Variants in ACKR3 observed in about 807,000 individuals in gnomAD.
ACKR3 encodes the protein C-X-C chemokine receptor type 7.
In ACKR3, 6 loss-of-function variants were observed where a neutral mutation model predicts 22.4. The observed-to-expected ratio is 0.27, with a 90% confidence interval of 0.15 to 0.53. The LOEUF is 0.53. ACKR3 is among the 20% of genes least tolerant of loss of function. ACKR3 has a pLI of 0.96. For missense variants in ACKR3, 396 were observed against 475.2 expected, an observed-to-expected ratio of 0.83 and a Z score of 1.55; for synonymous variants, 209 against 205.2, an observed-to-expected ratio of 1.02 and a Z score of -0.16.
the ACKR3 span, among the ~76,000 whole-genome samples, chr2:236,553,914 T>C: frequency 0.26 from 39,581 of 152,078 alleles, 7,985 homozygotes; most frequent in African/African-American, 0.57. Context: ...TATCCTGTAG[T>C]GTTATTTAAC....
At chr2:236,580,349 C>A in intron 1 of ACKR3, 91 bp from the exon 2 acceptor site, 1 of 1,418,908 alleles carries the variant, frequency 7.0e-7, no homozygotes, top group Non-Finnish European at 9.6e-7. Flanking sequence ...CTATCAGGGC[C>A]TTGGAAAAGC....
the ACKR3 span, among the ~76,000 whole-genome samples, chr2:236,548,144 T>C: frequency 6.6e-6 from 1 of 152,350 alleles, no homozygotes; most frequent in East Asian, 1.9e-4. This position sits in a 1 kb window ranked among gnomAD's most constrained non-coding sequence, Gnocchi z 4.3. Context: ...TTAATAACTA[T>C]AGTTTTACAG....
rs1201487486 is a variant in ACKR3 at position 236,581,653 on chromosome 2, A to G, written c.*99A>G. 1 of 1,452,266 alleles carries G rather than the reference A, an allele frequency of 6.9e-7. No homozygotes were observed. The highest frequency in any genetic ancestry group is 9.3e-7 in the Non-Finnish European group (1 of 1,079,662). The allele number at this position is 1,452,266 out of a possible 1,614,324, so 90.0% of individuals were successfully genotyped here. On this transcript the variant is annotated 3_prime_UTR_variant, in exon 2 of 2. Coordinates refer to ENST00000272928, the MANE Select transcript of ACKR3 (RefSeq NM_020311.3). The surrounding 1 kb of genome is among the most constrained non-coding windows in gnomAD (Gnocchi z 4.4). ...CAAAGCAAAGTAGCTTCGGGTCTTG[A>G]TGCTTGAGTAGAGTGAAGAGGGGAG...
the ACKR3 span, among the ~76,000 whole-genome samples, chr2:236,543,947 A>G: frequency 4.5e-3 from 138 of 30,820 alleles, no homozygotes; most frequent in Middle Eastern, 0.013. Context: ...AAGGGTATAT[A>G]TATATATATA....
chr2:236,539,350 T>G, the ACKR3 span, among the ~76,000 whole-genome samples: 36 of 149,736 alleles, frequency 2.4e-4, no homozygotes, highest in African/African-American at 8.9e-4. Flanking sequence ...TCTCACTCTG[T>G]CACCCAGGCT....
chr2:236,559,796 G>C, the ACKR3 span, among the ~76,000 whole-genome samples: 1 of 152,168 alleles, frequency 6.6e-6, no homozygotes, highest in Admixed American at 6.5e-5. Context: ...TAATATGACT[G>C]TCCTTCAACC....
At chr2:236,567,660 CAG>C (rs1691213714), upstream of ACKR3, 1 of 152,392 alleles carries the variant, frequency 6.6e-6, no homozygotes, top group African/African-American at 2.4e-5. Flanking sequence ...GGAGCCTGGC[CAG>C]AGTTCCCGAC....
chr2:236,557,982 A>G, the ACKR3 span, among the ~76,000 whole-genome samples: 4 of 152,254 alleles, frequency 2.6e-5, no homozygotes, highest in African/African-American at 7.2e-5. Context: ...AAGTCAAGGG[A>G]AGACTGAGAA....
chr2:236,567,585 G>C (rs1465867215), upstream of ACKR3, among the ~76,000 whole-genome samples: 1 of 152,188 alleles, frequency 6.6e-6, no homozygotes, highest in African/African-American at 2.4e-5. Context: ...TTCTGGGACA[G>C]GGTGGGAGGC....
the ACKR3 span, among the ~76,000 whole-genome samples, chr2:236,543,302 T>C: frequency 2.6e-4 from 39 of 152,232 alleles, 1 homozygote; most frequent in Admixed American, 9.2e-4. Flanking sequence ...TCACGTTTTG[T>C]GGACCTGTGG....
chr2:236,543,530 A>T, the ACKR3 span, among the ~76,000 whole-genome samples: 1 of 152,162 alleles, frequency 6.6e-6, no homozygotes, highest in East Asian at 1.9e-4. Context: ...AGTTATTGAT[A>T]TGTCGTGAGT....
the ACKR3 span, among the ~76,000 whole-genome samples, chr2:236,547,256 GT>G: frequency 2.6e-5 from 4 of 152,044 alleles, no homozygotes; most frequent in South Asian, 8.3e-4. Context: ...TATTATTCTT[GT>G]TTTTTTCTTC....
intron 1 of ACKR3, among the ~76,000 whole-genome samples, chr2:236,578,792 C>T (rs887476578): frequency 1.1e-4 from 16 of 152,184 alleles, no homozygotes; most frequent in East Asian, 1.9e-4. Flanking sequence ...CGAGCTCCCC[C>T]GGGGGCATTT....
chr2:236,558,952 T>C, the ACKR3 span, among the ~76,000 whole-genome samples: 16 of 152,384 alleles, frequency 1.0e-4, no homozygotes, highest in African/African-American at 3.4e-4. Context: ...AGGACTTAGA[T>C]ATTTTTAAGC....
upstream of ACKR3, among the ~76,000 whole-genome samples, chr2:236,565,185 C>G (rs369323651): frequency 6.6e-6 from 1 of 151,928 alleles, no homozygotes; most frequent in African/African-American, 2.4e-5. Flanking sequence ...TGCATCCTCT[C>G]GTTTAATCCT....
chr2:236,567,232 C>A (rs1325915996), upstream of ACKR3, among the ~76,000 whole-genome samples: 2 of 152,204 alleles, frequency 1.3e-5, no homozygotes, highest in Non-Finnish European at 2.9e-5. Context: ...AACTCCCGAC[C>A]TCGCGATCCG....
Position 236,580,783 on chromosome 2 carries a change from G to A in ACKR3, c.318G>A (p.Gln106=). Residue 106 remains glutamine, a synonymous_variant, in exon 2 of 2, where the codon CAG becomes CAA. Transcript: ENST00000272928. The part of the protein sequence containing the change: ...TIPVWVVSLV[Q]HNQWPMGELT... ...CAGTCTGGGTGGTCAGTCTCGTGCA[G>A]CACAACCAGTGGCCCATGGGCGAGC... 1.2e-6 allele frequency: 2 copies of A among 1,614,198 alleles called. No homozygotes were observed. The highest frequency in any genetic ancestry group is 2.2e-5 in the East Asian group (1 of 44,876).
chr2:236,579,132 G>A (rs1309841375), intron 1 of ACKR3, among the ~76,000 whole-genome samples: 2 of 152,246 alleles, frequency 1.3e-5, no homozygotes, highest in African/African-American at 2.4e-5. Context: ...CGGAGTGGGC[G>A]GCTTCCCAGC....
chr2:236,581,666 G>T lies in ACKR3; in HGVS notation c.*112G>T. ...CTTCGGGTCTTGATGCTTGAGTAGAGTGAAGAGGGGAGCACGTGCCCCCTG... is the reference window on the plus strand; with the variant it reads ...CTTCGGGTCTTGATGCTTGAGTAGATTGAAGAGGGGAGCACGTGCCCCCTG... On this transcript the variant is annotated 3_prime_UTR_variant, in exon 2 of 2. Coordinates refer to ENST00000272928, the MANE Select transcript of ACKR3 (RefSeq NM_020311.3). This position sits in a 1 kb window ranked among gnomAD's most constrained non-coding sequence, Gnocchi z 4.4. 7.3e-7 allele frequency: 1 copy of T among 1,363,892 alleles called. No individual in the cohort carries two copies. The highest frequency in any genetic ancestry group is 1.5e-5 in the African/African-American group (1 of 68,414). 84.5% of individuals were successfully genotyped at this position (1,363,892 alleles called of 1,614,324 possible).
Sources: allele counts gnomAD v4.1 joint callset (sites outside exome capture counted in the v4.1 genomes callset), GRCh38; gene constraint gnomAD v4.1.1; non-coding constraint Gnocchi (gnomAD v3.1); transcripts MANE v1.5; gene names NCBI Gene and HGNC (gene_info 2026-07-23, HGNC 2026-07-21).